RGPD4: variants seen among roughly 807,000 people sequenced by gnomAD.
The protein encoded by RGPD4 is ranBP2-like and GRIP domain-containing protein 4.
In RGPD4, 84 loss-of-function variants were observed where a neutral mutation model predicts 141.1. The ratio of observed to expected loss-of-function variants is 0.60; its 90% CI spans 0.50 to 0.71. The LOEUF is 0.71. Ranked by LOEUF, RGPD4 falls within the 30% of genes least tolerant of loss-of-function variation. The probability of loss-of-function intolerance (pLI) is 0.00; values close to 1 mark genes in which losing one functional copy is unlikely to be tolerated. For synonymous variants in RGPD4, 298 were observed against 566.8 expected, an observed-to-expected ratio of 0.53 and a Z score of 6.74; for missense variants, 918 against 1,622.4, an observed-to-expected ratio of 0.57 and a Z score of 7.46.
rs757774800 is a variant in RGPD4, at chr2:107,859,705, A to G, written c.1635-17A>G. On this transcript the variant is annotated splice_polypyrimidine_tract_variant and intron_variant, in intron 11 of 22. Transcript: ENST00000408999. ...TGTATTTAGAAAGCAATTTTAGTAA[A>G]TTGAACTATTTTTTAGACCTGGAAA... 63 of 1,611,288 alleles carry G rather than the reference A, an allele frequency of 3.9e-5. 2 individuals carry two copies. In the African/African-American group the frequency reaches 7.7e-4, roughly 20 times the overall value.
chr2:107,879,232 TTGA>T (rs1357327637), intron 20 of RGPD4, among the ~76,000 whole-genome samples: 1 of 63,662 alleles, frequency 1.6e-5, no homozygotes, highest in Non-Finnish European at 3.1e-5. Flanking sequence ...TTTATTCCTC[TTGA>T]TGAAGTAATG....
In RGPD4 at chr2:107,891,924, T is replaced by G. The variant is rs563243176; in HGVS notation, c.*1193T>G. Among the ~76,000 whole-genome samples the G allele has an allele frequency of 9.1e-5, 10 of 109,956 alleles. No homozygotes were observed. The highest frequency in any genetic ancestry group is 4.0e-4 in the East Asian group (2 of 5,018). 72.1% of individuals were successfully genotyped at this position (109,956 alleles called of 152,430 possible). A position where few individuals can be genotyped will look rare whatever the true frequency, so the allele number is the denominator to read the frequency against. On this transcript the variant is annotated 3_prime_UTR_variant, in exon 23 of 23. Transcript: ENST00000408999. ...GGTAGTGTTACTTGCCTTTGACACC[T>G]CTGCATATGTTTTAATGACTAGATC...
chr2:107,844,824 T>TTTCC (rs1424758018), intron 6 of RGPD4, among the ~76,000 whole-genome samples: 1 of 76,046 alleles, frequency 1.3e-5, no homozygotes, highest in East Asian at 2.3e-4. Flanking sequence ...TCTTTCTTTC[T>TTTCC]TTTTTGTTTT....
At chr2:107,880,259 C>T (rs879049971) in intron 21 of RGPD4, among the ~76,000 whole-genome samples, 152 bp downstream of exon 21, 2 of 48,184 alleles carry the variant, frequency 4.2e-5, no homozygotes, top group Non-Finnish European at 6.9e-5. Context: ...GAAATATTGC[C>T]TTTTTTTTTT....
At chr2:107,863,573 A>G (rs936840526) in intron 17 of RGPD4, among the ~76,000 whole-genome samples, 1 of 150,346 alleles carries the variant, frequency 6.7e-6, no homozygotes, top group African/African-American at 2.5e-5. Context: ...GCTCACTGCA[A>G]CCTCCACCTC....
At position 107,863,615 on chromosome 2, in the gene RGPD4, C is replaced by G. The variant is rs905291096; in HGVS notation, c.2469+583C>G. On this transcript the variant is annotated intron_variant, in intron 17 of 22. Transcript: ENST00000408999. ...TCAAGCAACTCTCCTGCCTCAGCCT[C>G]CCGAGTAGCTGGGATTACAGGCACC... Among the ~76,000 whole-genome samples, 47 of 151,942 alleles carry G rather than the reference C, an allele frequency of 3.1e-4. 2 individuals are homozygous for G. Among genetic ancestry groups the G allele is most frequent in the African/African-American group, 9.9e-4 (41 of 41,246 alleles).
intron 4 of RGPD4, among the ~76,000 whole-genome samples, chr2:107,840,767 T>C (rs1421904439): frequency 5.5e-5 from 4 of 72,406 alleles, no homozygotes; most frequent in Non-Finnish European, 1.2e-4. Context: ...TCTATTTTTT[T>C]GAGACAGAGT....
intron 20 of RGPD4, among the ~76,000 whole-genome samples, chr2:107,878,779 C>G (rs1244904361): frequency 8.5e-5 from 5 of 58,510 alleles, no homozygotes; most frequent in African/African-American, 2.5e-4. Flanking sequence ...AACTAGGAGT[C>G]TGATGTTCAA....
At chr2:107,853,779 A>C (rs1573490373) in intron 7 of RGPD4, among the ~76,000 whole-genome samples, 1 of 67,332 alleles carries the variant, frequency 1.5e-5, no homozygotes, top group Non-Finnish European at 2.9e-5. Flanking sequence ...ATAGGGTCTC[A>C]CTCTGTCGCC....
At position 107,851,358 on chromosome 2, in the gene RGPD4, C is replaced by T. The variant is rs1206431737; in HGVS notation, c.978+2822C>T. Among the ~76,000 whole-genome samples the T allele has an allele frequency of 6.9e-5, 3 of 43,666 alleles. No individual in the cohort carries two copies. In the East Asian group the frequency reaches 1.4e-3, roughly 20 times the overall value. 28.6% of individuals were successfully genotyped at this position (43,666 alleles called of 152,430 possible). On this transcript the variant is annotated intron_variant, in intron 7 of 22. Transcript: ENST00000408999. ...CTTGAACTCCTGGCTTCAAGTGATC[C>T]TTCTGCCTTGCCCTCCCAAAGTGCT...
chr2:107,863,186 A>T (rs1185373349), intron 17 of RGPD4, among the ~76,000 whole-genome samples, 154 bp downstream of exon 17: 1 of 72,644 alleles, frequency 1.4e-5, no homozygotes, highest in Non-Finnish European at 2.9e-5. Flanking sequence ...TTTTTTTTTA[A>T]GGCAGGGTCT....
Position 107,836,613 on chromosome 2 carries a change from A to T in RGPD4, c.84A>T (p.Arg28Ser). The T allele has an allele frequency of 6.7e-7, 1 of 1,496,270 alleles. No individual in the cohort carries two copies. Among genetic ancestry groups the T allele is most frequent in the Non-Finnish European group, 9.0e-7 (1 of 1,111,658 alleles). 92.7% of individuals were successfully genotyped at this position (1,496,270 alleles called of 1,614,324 possible). The change falls in exon 2 of 23, where the codon AGA becomes AGT. Residue 28 changes from arginine to serine, a missense_variant. Coordinates refer to ENST00000408999, the MANE Select transcript of RGPD4 (RefSeq NM_182588.3). Reference protein sequence around the residue: ...SAPSPRKKSTRGFYFAKLYYE... With the variant: ...SAPSPRKKSTSGFYFAKLYYE... ...TTAATTTTTTTTAGAAGTCAACGAG[A>T]GGATTCTATTTTGCAAAGCTGTATT...
intron 22 of RGPD4, among the ~76,000 whole-genome samples, chr2:107,886,134 G>T (rs1172464830): frequency 1.0e-4 from 14 of 139,222 alleles, no homozygotes; most frequent in Admixed American, 2.9e-4. Flanking sequence ...CAAAAAACAA[G>T]AGTGGGAAAA....
rs1390490913 is a variant in RGPD4, at chr2:107,890,704, T to C, written c.5267-17T>C. Reference sequence around the variant, plus strand: ...AATACTCTCTTTTTTCTTTTTTTTTTGTTTTACTTTCCAAAGGTGAGGAAT... The same window carrying C: ...AATACTCTCTTTTTTCTTTTTTTTTCGTTTTACTTTCCAAAGGTGAGGAAT... On this transcript the variant is annotated splice_polypyrimidine_tract_variant and intron_variant, in intron 22 of 22. Transcript: ENST00000408999. 1.3e-6 allele frequency: 2 copies of C among 1,596,144 alleles called. No individual in the cohort carries two copies. The highest frequency in any genetic ancestry group is 2.2e-5 in the East Asian group (1 of 44,722).
intron 11 of RGPD4, 52 bp from the exon 12 acceptor site, chr2:107,859,670 C>T (rs1192989723): frequency 2.5e-5 from 41 of 1,610,838 alleles, no homozygotes; most frequent in African/African-American, 1.3e-4. Flanking sequence ...TGTATGTAAG[C>T]GCTGAACTGT....
intron 6 of RGPD4, among the ~76,000 whole-genome samples, chr2:107,847,026 A>C (rs1368178860): frequency 6.6e-6 from 1 of 151,338 alleles, no homozygotes; most frequent in Non-Finnish European, 1.5e-5. Flanking sequence ...TGGATCACGA[A>C]GTCAGGAGAT....
chr2:107,872,793 G>A lies in RGPD4; in HGVS notation c.4789G>A (p.Val1597Met), dbSNP rs759786483. The A allele has an allele frequency of 1.8e-5, 29 of 1,610,808 alleles. No individual in the cohort carries two copies. The highest frequency in any genetic ancestry group is 2.7e-5 in the African/African-American group (2 of 74,088). ...SVAQSGSESK[V>M]EPKKCELSKN... ...AGCCCAGAGTGGATCTGAAAGCAAA[G>A]TGGAACCTAAAAAATGTGAACTGTC... The change falls in exon 20 of 23, where the codon GTG (valine) becomes ATG (methionine). Residue 1597 changes from valine (V) to methionine (M), a missense_variant. Val to Met is a conservative substitution (Grantham distance 21). Transcript: ENST00000408999.
chr2:107,857,627 G>A (rs1682371246), intron 9 of RGPD4, among the ~76,000 whole-genome samples: 1 of 151,708 alleles, frequency 6.6e-6, no homozygotes, highest in Non-Finnish European at 1.5e-5. Context: ...TAGAGACAGG[G>A]TCTCCCTTTG....
rs1213089950 is a variant in RGPD4, at chr2:107,871,284, G to A, written c.3280G>A (p.Gly1094Ser). 1 of 1,607,094 alleles carries A rather than the reference G, an allele frequency of 6.2e-7. No individual in the cohort carries two copies. Among genetic ancestry groups the A allele is most frequent in the South Asian group, 1.1e-5 (1 of 90,676 alleles). ...AAAAATTCTCAAAAACGAGGTCAAT[G>A]GCAAACCAAGAATGCTGATGCGAAG... ...NLKILKNEVN[G>S]KPRMLMRREQ... The change falls in exon 20 of 23, where the codon GGC becomes AGC. Residue 1094 changes from glycine to serine, a missense_variant. Physicochemically the swap from Gly to Ser is moderately conservative, Grantham distance 56 (BLOSUM62 0). Transcript: ENST00000408999.
Sources: allele counts gnomAD v4.1 joint callset (sites outside exome capture counted in the v4.1 genomes callset), GRCh38; gene constraint gnomAD v4.1.1; transcripts MANE v1.5; gene names NCBI Gene and HGNC (gene_info 2026-07-23, HGNC 2026-07-21).